The following LMNTD1 variants were observed in gnomAD, a reference collection of about 807,000 sequenced individuals.
LMNTD1 encodes the protein lamin tail domain containing 1.
LMNTD1 carries 35 observed loss-of-function variants against 50.9 expected under a neutral mutation model. The observed-to-expected ratio is 0.69, with a 90% CI of 0.53 to 0.91. The LOEUF is 0.91. Among genes scored for constraint, LMNTD1 ranks in the 40% least tolerant of loss-of-function variants. The pLI is 0.00. For synonymous variants in LMNTD1, 153 were observed against 161.9 expected (o/e 0.94, Z 0.42); for missense variants, 470 against 475.5 (o/e 0.99, Z 0.11).
chr12:25,604,973 A>T (rs576036053), intron 1 of LMNTD1, among the ~76,000 whole-genome samples: 1 of 152,244 alleles, frequency 6.6e-6, no homozygotes, highest in East Asian at 1.9e-4. Context: ...AACAGTGTAA[A>T]AGTGTTCCTA....
At chr12:25,477,401 A>G (rs1398046123) in intron 9 of LMNTD1, among the ~76,000 whole-genome samples, 1 of 152,168 alleles carries the variant, frequency 6.6e-6, no homozygotes, top group Admixed American at 6.5e-5. Flanking sequence ...TGGTGGGGAT[A>G]AAATCGGTCG....
chr12:25,531,012 G>C (rs1942192532), intron 4 of LMNTD1, among the ~76,000 whole-genome samples: 1 of 152,212 alleles, frequency 6.6e-6, no homozygotes, highest in Admixed American at 6.5e-5. Flanking sequence ...CACTGTTGCT[G>C]GTTCTGAGAT....
chr12:25,539,901 C>G (rs998572434), intron 4 of LMNTD1, among the ~76,000 whole-genome samples: 3 of 151,552 alleles, frequency 2.0e-5, no homozygotes, highest in African/African-American at 4.9e-5. Context: ...ATATCACCAC[C>G]GATCCCACAG....
chr12:25,506,402 C>T (rs762652732), intron 8 of LMNTD1, among the ~76,000 whole-genome samples: 9 of 152,090 alleles, frequency 5.9e-5, no homozygotes, highest in East Asian at 1.9e-4. Flanking sequence ...ACAGGCAAAG[C>T]GCATTCAACC....
chr12:25,547,086 C>T (rs1943477955), intron 3 of LMNTD1: 2 of 218,404 alleles, frequency 9.2e-6, no homozygotes, highest in South Asian at 3.3e-4. Context: ...CATGCTTAAT[C>T]AGATTCCAGT....
intron 1 of LMNTD1, among the ~76,000 whole-genome samples, chr12:25,577,969 G>C (rs1305617428): frequency 2.6e-5 from 4 of 152,118 alleles, no homozygotes; most frequent in African/African-American, 9.7e-5. Flanking sequence ...CCACTGGACT[G>C]AATCCTCCTA....
rs764649013 is a variant in LMNTD1, at chr12:25,648,283, G to A, written c.58+211C>T. Among the ~76,000 whole-genome samples the A allele has an allele frequency of 3.9e-5, 6 of 152,100 alleles. No individual in the cohort carries two copies. In the South Asian group the frequency reaches 6.2e-4, roughly 16 times the overall value. ...AACATTCTTTTTTCACTTCAAAATC[G>A]TCTGTACAATGTTTCACTCAAAAAC... On this transcript the variant is annotated intron_variant, in intron 1 of 7. Coordinates refer to the LMNTD1 transcript ENST00000445693.
At chr12:25,637,953 A>G (rs1946871785) in intron 1 of LMNTD1, among the ~76,000 whole-genome samples, 1 of 152,132 alleles carries the variant, frequency 6.6e-6, no homozygotes, top group African/African-American at 2.4e-5. Context: ...AAAATGCTCA[A>G]CAAAATGCTA....
chr12:25,630,872 A>G (rs1476900064), intron 1 of LMNTD1: 1 of 152,410 alleles, frequency 6.6e-6, no homozygotes, highest in African/African-American at 2.4e-5. Flanking sequence ...CATCACAGGC[A>G]GAGGAAGAAA....
intron 4 of LMNTD1, among the ~76,000 whole-genome samples, chr12:25,534,093 T>A (rs1942405845): frequency 6.6e-6 from 1 of 152,222 alleles, no homozygotes; most frequent in Non-Finnish European, 1.5e-5. Flanking sequence ...ATAGTGTAAC[T>A]AGTGAAAATC....
upstream of LMNTD1, among the ~76,000 whole-genome samples, chr12:25,553,609 G>T (rs377229887): frequency 6.6e-6 from 1 of 152,024 alleles, no homozygotes; most frequent in African/African-American, 2.4e-5. Flanking sequence ...TAGGCAGCAA[G>T]AATAGAAACC....
At chr12:25,626,795 C>T (rs1302504381) in intron 1 of LMNTD1, among the ~76,000 whole-genome samples, 1 of 152,110 alleles carries the variant, frequency 6.6e-6, no homozygotes, top group African/African-American at 2.4e-5. Flanking sequence ...AAAGATTGCT[C>T]CCACCCAAGC....
chr12:25,551,416 G>GTC (rs893497149), intron 2 of LMNTD1, among the ~76,000 whole-genome samples: 1 of 151,886 alleles, frequency 6.6e-6, no homozygotes, highest in Non-Finnish European at 1.5e-5. Context: ...ATGAGACAGG[G>GTC]TCTCTCTCTG....
intron 1 of LMNTD1, among the ~76,000 whole-genome samples, chr12:25,590,337 A>G (rs1168672732): frequency 6.6e-6 from 1 of 152,186 alleles, no homozygotes; most frequent in Non-Finnish European, 1.5e-5. Flanking sequence ...GATGCCCACC[A>G]TGGAGAGAGC....
intron 8 of LMNTD1, among the ~76,000 whole-genome samples, chr12:25,509,781 T>C (rs1371666759): frequency 2.6e-5 from 4 of 152,142 alleles, no homozygotes; most frequent in African/African-American, 9.7e-5. Flanking sequence ...TAAGGCCATA[T>C]GAAGACAGAG....
At chr12:25,629,364 ACCAAGCCC>A (rs1288277968) in intron 1 of LMNTD1, among the ~76,000 whole-genome samples, 18 of 152,296 alleles carry the variant, frequency 1.2e-4, no homozygotes, top group Non-Finnish European at 1.3e-4. Context: ...TCTGTTCTTC[ACCAAGCCC>A]CTAACTCGTA....
At chr12:25,543,537 G>T (rs975852182) in intron 4 of LMNTD1, among the ~76,000 whole-genome samples, 1 of 151,624 alleles carries the variant, frequency 6.6e-6, no homozygotes, top group Non-Finnish European at 1.5e-5. Flanking sequence ...ATGGAAAAAA[G>T]CCAACTTTTT....
intron 1 of LMNTD1, among the ~76,000 whole-genome samples, chr12:25,644,457 G>A (rs971825617): frequency 4.0e-5 from 6 of 151,850 alleles, no homozygotes; most frequent in Non-Finnish European, 8.8e-5. Flanking sequence ...AGCCTGGGCA[G>A]CATAATAAGA....
intron 8 of LMNTD1, among the ~76,000 whole-genome samples, chr12:25,513,844 A>G (rs1371453243): frequency 6.6e-6 from 1 of 152,254 alleles, no homozygotes; most frequent in Non-Finnish European, 1.5e-5. Flanking sequence ...TGCCTGGGTG[A>G]GAAATCTACA....
Sources: allele counts gnomAD v4.1 joint callset (sites outside exome capture counted in the v4.1 genomes callset), GRCh38; gene constraint gnomAD v4.1.1; transcripts MANE v1.5; gene names NCBI Gene and HGNC (gene_info 2026-07-23, HGNC 2026-07-21).